SFSWAP: variants seen among roughly 807,000 people sequenced by gnomAD.
SFSWAP encodes splicing factor, suppressor of white-apricot homolog.
In SFSWAP, 17 loss-of-function variants were observed where a neutral mutation model predicts 100.7. That is an observed-to-expected ratio of 0.17 (90% confidence interval 0.12 to 0.25). The LOEUF (loss-of-function observed/expected upper bound fraction) is 0.25. SFSWAP is among the 10% of genes least tolerant of loss of function. SFSWAP has a pLI of 1.00. For missense variants in SFSWAP, 1,005 were observed against 1,262.6 expected (o/e 0.80, Z 3.09); for synonymous variants, 504 against 510.1 (o/e 0.99, Z 0.16).
chr12:131,719,446 T>C lies in SFSWAP; in HGVS notation c.521-8T>C. The C allele has an allele frequency of 1.2e-6, 2 of 1,612,916 alleles. No individual in the cohort carries two copies. The highest frequency in any genetic ancestry group is 2.2e-5 in the East Asian group (1 of 44,872). On this transcript the variant is annotated splice_region_variant and splice_polypyrimidine_tract_variant and intron_variant, in intron 3 of 17. Coordinates refer to ENST00000261674, the MANE Select transcript of SFSWAP (RefSeq NM_004592.4). ...TGTTCTGAATTTTTTAATTTTCTTT[T>C]TATGCAGAAAAAAATGAGGCCGAAA... is the stretch of plus-strand genomic sequence containing the variant.
Position 131,764,335 on chromosome 12 carries a change from C to T in SFSWAP, c.1721-121C>T, listed in dbSNP as rs905507751. On this transcript the variant is annotated intron_variant, in intron 11 of 17. Coordinates refer to ENST00000261674, the MANE Select transcript of SFSWAP (RefSeq NM_004592.4). ...ACGGCGTCCCCCACCGTAGACCCTG[C>T]ATATGATGTGGCTCCATGCTAGTCA... 5.4e-6 allele frequency: 4 copies of T among 736,344 alleles called. No homozygotes were observed. In the East Asian group the frequency reaches 8.1e-5, roughly 15 times the overall value. The allele number at this position is 736,344 out of a possible 1,614,324, so 45.6% of individuals were successfully genotyped here. A position where few individuals can be genotyped will look rare whatever the true frequency, so the allele number is the denominator to read the frequency against.
chr12:131,797,373 C>G lies in SFSWAP; in HGVS notation c.2717+13C>G. 1 of 1,594,120 alleles carries G rather than the reference C, an allele frequency of 6.3e-7. No homozygotes were observed. On this transcript the variant is annotated intron_variant, in intron 16 of 17. Transcript: ENST00000261674. ...AGGAGCGCTCCAGGTAACCCCTGTC[C>G]TCCAGCAGCTCTCTCTGGGGAAAGG...
chr12:131,739,536 CTTTTTTTTTTTTTTTTT>C (rs777610140), intron 7 of SFSWAP, among the ~76,000 whole-genome samples: 19 of 60,842 alleles, frequency 3.1e-4, no homozygotes, highest in Admixed American at 5.4e-4. Context: ...TCCCCAGTTG[CTTTTTTTTTTTTTTTTT>C]TTTTTTTTTT....
intron 4 of SFSWAP, 44 bp downstream of exon 4, chr12:131,719,583 T>C (rs769226535): frequency 2.8e-6 from 4 of 1,430,508 alleles, no homozygotes; most frequent in Admixed American, 1.7e-5. Context: ...TTATTATTTA[T>C]CATAATTCAC....
At chr12:131,770,389 T>C (rs1883493261) in intron 13 of SFSWAP, among the ~76,000 whole-genome samples, 1 of 152,204 alleles carries the variant, frequency 6.6e-6, no homozygotes, top group Admixed American at 6.5e-5. Flanking sequence ...TCGGGCTGGC[T>C]CTGCAGGGTG....
At chr12:131,745,712 A>C (rs909421516) in intron 7 of SFSWAP, among the ~76,000 whole-genome samples, 1 of 151,708 alleles carries the variant, frequency 6.6e-6, no homozygotes, top group Non-Finnish European at 1.5e-5. Flanking sequence ...TACCTGTTTC[A>C]GGGATCTGCA....
rs201617833 is a variant in SFSWAP, at chr12:131,753,306, C to T, written c.1265C>T (p.Pro422Leu). 9.0e-5 allele frequency: 145 copies of T among 1,611,334 alleles called. No homozygotes were observed. In the East Asian group the frequency reaches 2.2e-3, roughly 24 times the overall value. ...CCACCTCCTGGGACCACACCACTACCGCCCCCAACCACAGCAGAGACTAGC... is the reference window on the plus strand; with the variant it reads ...CCACCTCCTGGGACCACACCACTACTGCCCCCAACCACAGCAGAGACTAGC... ...APPPPGTTPL[P>L]PPTTAETSSG... The change falls in exon 8 of 18, where the codon CCG (proline) becomes CTG (leucine). Residue 422 changes from proline (P) to leucine (L), a missense_variant. This residue lies in a region of SFSWAP where 311 missense variants were observed against 317.8 expected (regional missense o/e 0.98). Transcript: ENST00000261674.
At chr12:131,747,138 A>C (rs11246794) in intron 7 of SFSWAP, among the ~76,000 whole-genome samples, 56,904 of 149,404 alleles carry the variant, frequency 0.38, 11,363 homozygotes, top group African/African-American at 0.46. Context: ...CATGCTCGTT[A>C]CCATTCTCTC....
intron 11 of SFSWAP, chr12:131,756,935 G>A (rs1882229726): frequency 3.3e-6 from 1 of 305,726 alleles, no homozygotes. Context: ...TGTACTCCCT[G>A]GGACTTCTGA....
In SFSWAP at chr12:131,734,219, G is replaced by A. The variant is rs1263453681; in HGVS notation, c.1081+5791G>A. ...CCTCGAGGACTTGAAGGCTGACGTT[G>A]GGCTGGGTGTGGCTCGTACATAGGA... On this transcript the variant is annotated intron_variant, in intron 7 of 17. Coordinates refer to ENST00000261674, the MANE Select transcript of SFSWAP (RefSeq NM_004592.4). This position sits in a 1 kb window ranked among gnomAD's most constrained non-coding sequence, Gnocchi z 4.9. Among the ~76,000 whole-genome samples the A allele has an allele frequency of 6.6e-6, 1 of 152,228 alleles. No homozygotes were observed. Among genetic ancestry groups the A allele is most frequent in the East Asian group, 1.9e-4 (1 of 5,196 alleles).
chr12:131,745,955 C>G (rs531674978), intron 7 of SFSWAP, among the ~76,000 whole-genome samples: 3 of 152,336 alleles, frequency 2.0e-5, no homozygotes, highest in African/African-American at 7.2e-5. Flanking sequence ...TAGGGTAAAT[C>G]TGCTCTCAGC....
intron 7 of SFSWAP, among the ~76,000 whole-genome samples, chr12:131,746,570 T>G (rs1292869235): frequency 6.6e-6 from 1 of 152,242 alleles, no homozygotes; most frequent in Non-Finnish European, 1.5e-5. Flanking sequence ...TTCATTCCTG[T>G]TCTTGTTGCT....
In SFSWAP at chr12:131,725,453, G is replaced by A. The variant is rs748745315; in HGVS notation, c.655G>A (p.Val219Met). 5 of 1,614,160 alleles carry A rather than the reference G, an allele frequency of 3.1e-6. No individual in the cohort carries two copies. Among genetic ancestry groups the A allele is most frequent in the East Asian group, 2.2e-5 (1 of 44,878 alleles). ...HAIIERTASF[V>M]CRQGAQFEIM... ...CATCATCGAGCGCACGGCCAGCTTC[G>A]TGTGCAGGCAGGGAGCACAGTTTGA... is the stretch of plus-strand genomic sequence containing the variant. The change falls in exon 5 of 18, where the codon GTG becomes ATG. Residue 219 changes from valine (V) to methionine (M), a missense_variant. Physicochemically the swap from Val to Met is conservative, Grantham distance 21. Coordinates refer to ENST00000261674, the MANE Select transcript of SFSWAP (RefSeq NM_004592.4). This position sits in a 1 kb window ranked among gnomAD's most constrained non-coding sequence, Gnocchi z 4.3.
intron 15 of SFSWAP, chr12:131,796,380 G>T (rs931797637): frequency 3.9e-5 from 6 of 152,574 alleles, no homozygotes; most frequent in African/African-American, 1.4e-4. Flanking sequence ...AGGAGAGAAG[G>T]ATGATCTAAG....
At chr12:131,772,557 G>C (rs1180519346) in intron 13 of SFSWAP, among the ~76,000 whole-genome samples, 1 of 152,198 alleles carries the variant, frequency 6.6e-6, no homozygotes, top group East Asian at 1.9e-4. Flanking sequence ...GGGACCACAC[G>C]AACGGACAGG....
At chr12:131,729,953 G>T (rs947899399) in intron 7 of SFSWAP, among the ~76,000 whole-genome samples, 1 of 152,230 alleles carries the variant, frequency 6.6e-6, no homozygotes, top group Non-Finnish European at 1.5e-5. Flanking sequence ...CTAGTTACTA[G>T]AGTGAACTTT....
intron 3 of SFSWAP, among the ~76,000 whole-genome samples, chr12:131,717,878 C>A (rs957622596): frequency 2.1e-4 from 32 of 152,212 alleles, no homozygotes; most frequent in African/African-American, 7.7e-4. Flanking sequence ...TTACAGGCGC[C>A]CGCCACCACA....
intron 15 of SFSWAP, among the ~76,000 whole-genome samples, chr12:131,789,591 A>C (rs1381829443): frequency 1.3e-5 from 2 of 152,166 alleles, no homozygotes; most frequent in East Asian, 3.9e-4. Context: ...GCTCAGTTCC[A>C]CAAGAGCTGA....
intron 4 of SFSWAP, among the ~76,000 whole-genome samples, chr12:131,722,486 C>T (rs1878566423): frequency 6.6e-6 from 1 of 152,142 alleles, no homozygotes; most frequent in African/African-American, 2.4e-5. Context: ...AATGTGCTTG[C>T]TCGAACACAT....
Sources: gnomAD v4.1 joint callset for allele counts (sites outside exome capture counted in the v4.1 genomes callset) on GRCh38, gnomAD v4.1.1 for gene constraint, gnomAD v4.1.1 regional missense constraint, Gnocchi (gnomAD v3.1) non-coding constraint, MANE v1.5 for transcripts, NCBI Gene and HGNC (gene_info 2026-07-23, HGNC 2026-07-21) for gene names.